The following CPAMD8 variants were observed in gnomAD, a reference collection of about 807,000 sequenced individuals.
CPAMD8 encodes the protein C3 and PZP like alpha-2-macroglobulin domain containing 8.
In CPAMD8, 146 loss-of-function variants were observed where a neutral mutation model predicts 224.7. That is an observed-to-expected ratio of 0.65 (90% CI 0.57 to 0.75). CPAMD8 has a LOEUF of 0.75. Ranked by LOEUF, CPAMD8 falls within the 30% of genes least tolerant of loss-of-function variation. The probability of loss-of-function intolerance (pLI) is 0.00; values close to 1 mark genes in which losing one functional copy is unlikely to be tolerated. For missense variants in CPAMD8, 2,301 were observed against 2,537.5 expected, an observed-to-expected ratio of 0.91 and a Z score of 2.00; for synonymous variants, 966 against 1,044.6, an observed-to-expected ratio of 0.92 and a Z score of 1.45.
At position 16,897,792 on chromosome 19, in the gene CPAMD8, G is replaced by A; in HGVS notation, c.4964C>T (p.Ala1655Val). The change falls in exon 39 of 42, where the codon GCC becomes GTC. Residue 1655 changes from alanine (A) to valine (V), a missense_variant. By Grantham distance (64) the Ala-to-Val change is moderately conservative. Transcript: ENST00000443236. Reference protein sequence around the residue: ...VYDYYEPAFEATRFYNVSTHS... With the variant: ...VYDYYEPAFEVTRFYNVSTHS... ...GGTGCTGACGTTGTAGAAGCGAGTG[G>A]CCTCGAAGGCTACGGGACGAGGGTG... 6.3e-7 allele frequency: 1 copy of A among 1,583,034 alleles called. No homozygotes were observed. The highest frequency in any genetic ancestry group is 8.6e-7 in the Non-Finnish European group (1 of 1,165,042).
intron 19 of CPAMD8, among the ~76,000 whole-genome samples, chr19:16,956,329 C>T (rs2054471375): frequency 6.6e-6 from 1 of 152,188 alleles, no homozygotes; most frequent in Non-Finnish European, 1.5e-5. Flanking sequence ...TGGGACTCAG[C>T]TTGGGCCCTA....
intron 19 of CPAMD8, chr19:16,957,636 C>G (rs1346021254): frequency 1.7e-6 from 1 of 585,390 alleles, no homozygotes; most frequent in African/African-American, 1.9e-5. Context: ...AGGCACAAAG[C>G]CCTTGCATTT....
At chr19:16,907,987 A>G (rs896743932) in intron 29 of CPAMD8, among the ~76,000 whole-genome samples, 3 of 152,200 alleles carry the variant, frequency 2.0e-5, no homozygotes, top group Non-Finnish European at 2.9e-5. Flanking sequence ...GCAAATGAGC[A>G]CAGTGATACT....
intron 10 of CPAMD8, among the ~76,000 whole-genome samples, chr19:16,998,603 G>T (rs113821361): frequency 0.012 from 1,780 of 152,290 alleles, 32 homozygotes; most frequent in African/African-American, 0.04. Flanking sequence ...GGTGCTGAAA[G>T]GCTTAATGTC....
chr19:16,918,441 ACTTT>A (rs56839050), intron 27 of CPAMD8, among the ~76,000 whole-genome samples: 72,433 of 146,126 alleles, frequency 0.5, 19,069 homozygotes, highest in Non-Finnish European at 0.59. Flanking sequence ...AATTTTTAAA[ACTTT>A]TTTTTTTTTT....
rs750410342 is a variant in CPAMD8, at chr19:16,989,644, T to G, written c.1394A>C (p.Gln465Pro). The change falls in exon 13 of 42, where the codon CAG becomes CCG. Residue 465 changes from glutamine to proline, a missense_variant and splice_region_variant. Transcript: ENST00000443236. ...AAGGGTAGCTCCTGAAAATCTTACC[T>G]GCAGTGGGTGGGAGGGTGGCTGCAG... is the stretch of plus-strand genomic sequence containing the variant. The part of the protein sequence containing the change: ...LQLQPPSHPL[Q>P]VGEEAYFSVK... The G allele has an allele frequency of 6.2e-7, 1 of 1,613,214 alleles. No homozygotes were observed. The highest frequency in any genetic ancestry group is 1.1e-5 in the South Asian group (1 of 91,018).
At chr19:17,000,672 C>G in intron 9 of CPAMD8, 150 bp from the exon 10 acceptor site, 2 of 552,160 alleles carry the variant, frequency 3.6e-6, no homozygotes, top group Non-Finnish European at 6.5e-6. Context: ...TGACAGCCCT[C>G]CCTGCAGCCT....
intron 22 of CPAMD8, among the ~76,000 whole-genome samples, chr19:16,945,096 G>C (rs2122233293): frequency 6.6e-6 from 1 of 152,282 alleles, no homozygotes; most frequent in African/African-American, 2.4e-5. Context: ...TCATGGGTAA[G>C]TGGCCAATCC....
At chr19:17,009,388 T>C in intron 5 of CPAMD8, 68 bp from the exon 6 acceptor site, 1 of 1,612,540 alleles carries the variant, frequency 6.2e-7, no homozygotes, top group Non-Finnish European at 8.5e-7. Flanking sequence ...AACATGCTCA[T>C]GCATGGCCTC....
At chr19:16,971,288 C>T (rs552408286) in intron 17 of CPAMD8, among the ~76,000 whole-genome samples, 4 of 152,308 alleles carry the variant, frequency 2.6e-5, no homozygotes, top group Admixed American at 1.3e-4. Flanking sequence ...GGAAGCTCCA[C>T]CTCCCAGGTT....
rs866371383 is a variant in CPAMD8, at chr19:16,987,189, T to A, written c.1395+2454A>T. ...AAAAAAAAAAAAAAAAATATATATA[T>A]ATATATATATATATATATATGTATA... On this transcript the variant is annotated intron_variant, in intron 13 of 41. Transcript: ENST00000443236. Among the ~76,000 whole-genome samples, 733 of 103,668 alleles carry A rather than the reference T, an allele frequency of 7.1e-3. 7 individuals carry two copies. The highest frequency in any genetic ancestry group is 9.0e-3 in the East Asian group (34 of 3,758). 68.0% of individuals were successfully genotyped at this position (103,668 alleles called of 152,430 possible). A position where few individuals can be genotyped will look rare whatever the true frequency, so the allele number is the denominator to read the frequency against.
chr19:16,976,079 C>T lies in CPAMD8; in HGVS notation c.1831G>A (p.Gly611Ser), dbSNP rs1169961031. The T allele has an allele frequency of 5.6e-6, 9 of 1,612,250 alleles. No individual in the cohort carries two copies. The highest frequency in any genetic ancestry group is 7.6e-6 in the Non-Finnish European group (9 of 1,178,804). Residue 611 changes from glycine (G) to serine (S), a missense_variant, in exon 16 of 42, where the codon GGC becomes AGC. By Grantham distance (56) the Gly-to-Ser change is moderately conservative (BLOSUM62 0). This residue lies in a region of CPAMD8 where 1,709 missense variants were observed against 1,753.2 expected (regional missense o/e 0.97). Coordinates refer to ENST00000443236, the MANE Select transcript of CPAMD8 (RefSeq NM_015692.5). ...VVDLRIRAAR[G>S]SCVCVAAVDK... ...ACTGCGGCGACGCACACACAGCTGC[C>T]CCTTGCAGCCCTGATCCGCAGGTCG...
chr19:16,915,791 T>C (rs1237214858), intron 27 of CPAMD8, among the ~76,000 whole-genome samples: 1 of 151,924 alleles, frequency 6.6e-6, no homozygotes, highest in Non-Finnish European at 1.5e-5. Flanking sequence ...ACCACAAAAA[T>C]GGGATGCATT....
chr19:16,929,363 A>T (rs1324875249), intron 23 of CPAMD8, 123 bp from the exon 24 acceptor site: 3 of 714,448 alleles, frequency 4.2e-6, no homozygotes, highest in Admixed American at 5.3e-5. Flanking sequence ...CTCGGCACAC[A>T]TGGTGGAATG....
At chr19:16,926,389 C>G (rs2053361288) in intron 25 of CPAMD8, among the ~76,000 whole-genome samples, 1 of 151,904 alleles carries the variant, frequency 6.6e-6, no homozygotes, top group Non-Finnish European at 1.5e-5. Context: ...ATGATCTTGG[C>G]TCACTGCAAC....
intron 23 of CPAMD8, among the ~76,000 whole-genome samples, chr19:16,937,550 A>G (rs888651157): frequency 4.0e-5 from 6 of 151,256 alleles, no homozygotes; most frequent in African/African-American, 1.5e-4. Context: ...AACTTGGCTC[A>G]CTGCAACCTC....
At chr19:16,993,261 G>A (rs1013947195) in intron 12 of CPAMD8, among the ~76,000 whole-genome samples, 155 bp downstream of exon 12, 4 of 152,166 alleles carry the variant, frequency 2.6e-5, no homozygotes, top group African/African-American at 7.2e-5. Flanking sequence ...TCCCAGGATG[G>A]CTGTGTTGTC....
At chr19:16,962,071 C>G (rs1568533332) in intron 18 of CPAMD8, among the ~76,000 whole-genome samples, 2 of 152,218 alleles carry the variant, frequency 1.3e-5, no homozygotes, top group Non-Finnish European at 2.9e-5. Flanking sequence ...GATAAAACCA[C>G]AAAGATGGGG....
chr19:16,965,027 G>C (rs1030332732), intron 18 of CPAMD8, among the ~76,000 whole-genome samples: 2 of 152,176 alleles, frequency 1.3e-5, no homozygotes, highest in Non-Finnish European at 2.9e-5. Context: ...TTGGGAGGCT[G>C]AGGCAGGCAG....
Sources: gnomAD v4.1 joint callset for allele counts (sites outside exome capture counted in the v4.1 genomes callset) on GRCh38, gnomAD v4.1.1 for gene constraint, gnomAD v4.1.1 regional missense constraint, MANE v1.5 for transcripts, NCBI Gene and HGNC (gene_info 2026-07-23, HGNC 2026-07-21) for gene names.